SLC4A10: variants seen among roughly 807,000 people sequenced by gnomAD.
SLC4A10 encodes sodium-driven chloride bicarbonate exchanger.
SLC4A10 carries 42 observed loss-of-function variants against 137.7 expected under a neutral mutation model. The ratio of observed to expected loss-of-function variants is 0.30; its 90% confidence interval spans 0.24 to 0.39. The LOEUF (loss-of-function observed/expected upper bound fraction) is 0.39. SLC4A10 is among the 10% of genes least tolerant of loss of function. SLC4A10 has a pLI of 1.00. For missense variants in SLC4A10, 925 were observed against 1,355.0 expected (o/e 0.68, Z 4.98); for synonymous variants, 474 against 464.1 (o/e 1.02, Z -0.27).
intron 10 of SLC4A10, among the ~76,000 whole-genome samples, chr2:161,888,056 T>C (rs954529495): frequency 3.3e-5 from 5 of 152,212 alleles, no homozygotes; most frequent in African/African-American, 9.6e-5. Flanking sequence ...ATTTATTAAA[T>C]AGGAATCCTT....
intron 1 of SLC4A10, among the ~76,000 whole-genome samples, chr2:161,715,206 G>A (rs767664493): frequency 6.6e-6 from 1 of 151,934 alleles, no homozygotes; most frequent in African/African-American, 2.4e-5. Flanking sequence ...CTTAACTACT[G>A]TTTCATACTG....
At chr2:161,785,377 C>T (rs1355725836) in intron 2 of SLC4A10, among the ~76,000 whole-genome samples, 5 of 147,700 alleles carry the variant, frequency 3.4e-5, no homozygotes. Flanking sequence ...TTGTATGATG[C>T]CAGCATTACC....
At chr2:161,651,956 G>A (rs1229983853) in intron 1 of SLC4A10, among the ~76,000 whole-genome samples, 2 of 152,210 alleles carry the variant, frequency 1.3e-5, no homozygotes, top group Admixed American at 1.3e-4. Context: ...GCTTCTGGCT[G>A]GCAAATTGAC....
In SLC4A10 at chr2:161,976,699, T is replaced by C. The variant is rs540468359; in HGVS notation, c.3228-61T>C. 14 of 795,228 alleles carry C rather than the reference T, an allele frequency of 1.8e-5. 2 individuals carry two copies. The South Asian group carries it at 2.9e-4, about 17-fold the overall frequency. 49.3% of individuals were successfully genotyped at this position (795,228 alleles called of 1,614,324 possible). On this transcript the variant is annotated intron_variant, in intron 24 of 26. Coordinates refer to ENST00000446997, the MANE Select transcript of SLC4A10 (RefSeq NM_001178015.2). The stretch of plus-strand genomic sequence containing the variant: ...ATTGCCCTATATTTAGTTTCTGTCA[T>C]TGAAAAACTGCAGTTACTTATGTAA...
At chr2:161,672,136 C>T (rs907179968) in intron 1 of SLC4A10, among the ~76,000 whole-genome samples, 4 of 152,034 alleles carry the variant, frequency 2.6e-5, no homozygotes, top group Non-Finnish European at 4.4e-5. Flanking sequence ...GGTTTGGGAT[C>T]AGTTCATTAA....
chr2:161,673,737 T>A (rs1043864187), intron 1 of SLC4A10, among the ~76,000 whole-genome samples: 26 of 152,168 alleles, frequency 1.7e-4, no homozygotes, highest in Admixed American at 3.9e-4. Flanking sequence ...CACTTGTAGT[T>A]CCAGCACTTT....
chr2:161,771,790 A>G (rs930876550), intron 2 of SLC4A10, among the ~76,000 whole-genome samples: 3 of 151,934 alleles, frequency 2.0e-5, no homozygotes, highest in Non-Finnish European at 4.4e-5. Flanking sequence ...ATACAGGATT[A>G]GCTAATTGTT....
intron 23 of SLC4A10, among the ~76,000 whole-genome samples, chr2:161,971,670 A>G (rs890966131): frequency 1.3e-4 from 20 of 152,182 alleles, no homozygotes; most frequent in Admixed American, 8.5e-4. Context: ...CCTCCTCAGA[A>G]AGCCTCAATT....
chr2:161,702,093 T>C (rs1441541701), intron 1 of SLC4A10, among the ~76,000 whole-genome samples: 1 of 151,908 alleles, frequency 6.6e-6, no homozygotes, highest in Non-Finnish European at 1.5e-5. Context: ...TGAAGAGATA[T>C]CTGCATTCCC....
chr2:161,882,568 T>C (rs551892809), intron 10 of SLC4A10, 124 bp downstream of exon 10: 1 of 494,606 alleles, frequency 2.0e-6, no homozygotes, highest in South Asian at 6.2e-5. Flanking sequence ...CATTCTCCCA[T>C]GCTTCTGCTA....
intron 1 of SLC4A10, among the ~76,000 whole-genome samples, chr2:161,633,801 G>A (rs2033974973): frequency 6.6e-6 from 1 of 151,644 alleles, no homozygotes; most frequent in Admixed American, 6.6e-5. Flanking sequence ...TTATAATACA[G>A]TACAATCCTT....
chr2:161,888,024 G>C (rs2062498446), intron 10 of SLC4A10, among the ~76,000 whole-genome samples: 3 of 152,054 alleles, frequency 2.0e-5, no homozygotes, highest in Admixed American at 1.3e-4. Flanking sequence ...TCTGCATATG[G>C]CTAGCTAGTT....
chr2:161,949,763 T>C (rs893006715), intron 18 of SLC4A10, among the ~76,000 whole-genome samples: 7 of 151,898 alleles, frequency 4.6e-5, no homozygotes, highest in Non-Finnish European at 1.0e-4. Context: ...ATGAGATATG[T>C]TTGGGGTGGG....
intron 2 of SLC4A10, among the ~76,000 whole-genome samples, chr2:161,781,645 C>T (rs1414670778): frequency 6.6e-6 from 1 of 151,894 alleles, no homozygotes. Flanking sequence ...GAGTTGGGGA[C>T]ACTGGGAGCA....
intron 8 of SLC4A10, among the ~76,000 whole-genome samples, chr2:161,874,331 C>T (rs1270225646): frequency 6.6e-6 from 1 of 152,140 alleles, no homozygotes. Flanking sequence ...GCACATAGCT[C>T]CTCCTTTCAA....
At chr2:161,815,506 C>A (rs535055108) in intron 3 of SLC4A10, among the ~76,000 whole-genome samples, 1 of 152,194 alleles carries the variant, frequency 6.6e-6, no homozygotes, top group Non-Finnish European at 1.5e-5. Context: ...AATTACCCAG[C>A]CTCAGGGAAG....
At chr2:161,752,705 A>G (rs971354353) in intron 1 of SLC4A10, among the ~76,000 whole-genome samples, 7 of 152,270 alleles carry the variant, frequency 4.6e-5, no homozygotes, top group Middle Eastern at 3.4e-3. Flanking sequence ...TAAGTGAACT[A>G]AGCAAGGCAC....
chr2:161,910,013 A>G (rs1319038284), intron 15 of SLC4A10, among the ~76,000 whole-genome samples: 3 of 152,286 alleles, frequency 2.0e-5, no homozygotes, highest in African/African-American at 7.2e-5. Flanking sequence ...AAAAATTCCT[A>G]GAAAATGTTA....
At chr2:161,731,922 T>C (rs1361555374) in intron 1 of SLC4A10, among the ~76,000 whole-genome samples, 1 of 152,186 alleles carries the variant, frequency 6.6e-6, no homozygotes, top group Non-Finnish European at 1.5e-5. Context: ...TTCTCTGATT[T>C]CTTATTAATT....
Sources: gnomAD v4.1 joint callset for allele counts (sites outside exome capture counted in the v4.1 genomes callset) on GRCh38, gnomAD v4.1.1 for gene constraint, MANE v1.5 for transcripts, NCBI Gene and HGNC (gene_info 2026-07-23, HGNC 2026-07-21) for gene names.